The following SLC4A10 variants were observed in gnomAD, a reference collection of about 807,000 sequenced individuals.
The protein encoded by SLC4A10 is sodium-driven chloride bicarbonate exchanger.
Under a neutral mutation model 137.7 loss-of-function variants are expected in SLC4A10, and 42 were observed. The ratio of observed to expected loss-of-function variants is 0.30; its 90% CI spans 0.24 to 0.39. SLC4A10 has a LOEUF of 0.39. Among genes scored for constraint, SLC4A10 ranks in the 10% least tolerant of loss-of-function variants. The probability of loss-of-function intolerance (pLI) is 1.00; values close to 1 mark genes in which losing one functional copy is unlikely to be tolerated. For missense variants in SLC4A10, 925 were observed against 1,355.0 expected (o/e 0.68, Z 4.98); for synonymous variants, 474 against 464.1 (o/e 1.02, Z -0.27).
intron 1 of SLC4A10, among the ~76,000 whole-genome samples, chr2:161,748,793 A>G (rs1485635072): frequency 1.3e-5 from 2 of 151,884 alleles, no homozygotes; most frequent in Admixed American, 1.3e-4. Context: ...GAATTTTAGA[A>G]TTGTTTTTCT....
At chr2:161,930,401 G>A (rs1430999521) in intron 15 of SLC4A10, among the ~76,000 whole-genome samples, 1 of 151,824 alleles carries the variant, frequency 6.6e-6, no homozygotes, top group Non-Finnish European at 1.5e-5. Context: ...TTATATGACC[G>A]TTACTTTGTA....
At chr2:161,867,065 C>T (rs1277353350) in intron 6 of SLC4A10, among the ~76,000 whole-genome samples, 2 of 151,922 alleles carry the variant, frequency 1.3e-5, no homozygotes, top group African/African-American at 2.4e-5. Context: ...TCTCTAACTA[C>T]TGTTCAACGC....
In SLC4A10 at chr2:161,626,933, T is replaced by C. The variant is rs1259947756; in HGVS notation, c.48+2367T>C. 4.6e-5 allele frequency among the ~76,000 whole-genome samples: 7 copies of C among 152,292 alleles called. No homozygotes were observed. In the East Asian group the frequency reaches 1.2e-3, roughly 25 times the overall value. On this transcript the variant is annotated intron_variant, in intron 1 of 26. Coordinates refer to ENST00000446997, the MANE Select transcript of SLC4A10 (RefSeq NM_001178015.2). ...AATCAGACGACTTTGCAAATAATTT[T>C]GTGAGAGGCAATATAGCATAATATT... is the stretch of plus-strand genomic sequence containing the variant.
intron 3 of SLC4A10, among the ~76,000 whole-genome samples, chr2:161,829,003 A>G (rs1379177740): frequency 1.3e-5 from 2 of 151,364 alleles, no homozygotes; most frequent in Admixed American, 6.6e-5. Context: ...CCTAAACCAA[A>G]CCATTAATTT....
At chr2:161,626,135 G>A (rs1369535770) in intron 1 of SLC4A10, among the ~76,000 whole-genome samples, 4 of 152,086 alleles carry the variant, frequency 2.6e-5, no homozygotes, top group African/African-American at 7.2e-5. Context: ...TCGTGGTATG[G>A]GGATTAGGGA....
intron 1 of SLC4A10, among the ~76,000 whole-genome samples, chr2:161,678,005 G>C (rs143081291): frequency 6.6e-6 from 1 of 152,086 alleles, no homozygotes; most frequent in East Asian, 1.9e-4. Flanking sequence ...ACTTCCAAAG[G>C]CTTAGATAAG....
chr2:161,784,959 G>T (rs772328635), intron 2 of SLC4A10, among the ~76,000 whole-genome samples: 59 of 150,284 alleles, frequency 3.9e-4, no homozygotes, highest in Admixed American at 2.3e-3. Flanking sequence ...ATGAAATTGG[G>T]TTTTTTTTTA....
intron 10 of SLC4A10, among the ~76,000 whole-genome samples, chr2:161,893,483 G>T (rs1282202693): frequency 6.6e-6 from 1 of 152,060 alleles, no homozygotes; most frequent in Non-Finnish European, 1.5e-5. Context: ...ATGGTTTGGG[G>T]CCAGGAGTTC....
chr2:161,812,105 T>G (rs1477997416), intron 3 of SLC4A10, among the ~76,000 whole-genome samples: 1 of 152,074 alleles, frequency 6.6e-6, no homozygotes, highest in East Asian at 1.9e-4. Flanking sequence ...AGTCTCTCTA[T>G]TTTTATTTTT....
chr2:161,743,711 A>G (rs1380874480), intron 1 of SLC4A10, among the ~76,000 whole-genome samples: 2 of 151,998 alleles, frequency 1.3e-5, no homozygotes, highest in Non-Finnish European at 1.5e-5. Context: ...CATTAAATCT[A>G]TAGATTGCTT....
chr2:161,955,024 A>G (rs1478210073), intron 19 of SLC4A10, among the ~76,000 whole-genome samples: 1 of 152,120 alleles, frequency 6.6e-6, no homozygotes, highest in Non-Finnish European at 1.5e-5. Flanking sequence ...TCTGATGCTC[A>G]TCTCACAGCC....
chr2:161,863,987 G>T (rs536854594), intron 6 of SLC4A10, among the ~76,000 whole-genome samples: 56 of 152,216 alleles, frequency 3.7e-4, no homozygotes, highest in African/African-American at 1.2e-3. Context: ...GGATCAAGAG[G>T]TCAGGAGATC....
intron 1 of SLC4A10, among the ~76,000 whole-genome samples, chr2:161,665,888 A>G (rs952921840): frequency 2.5e-4 from 37 of 149,762 alleles, no homozygotes; most frequent in Admixed American, 6.0e-4. Flanking sequence ...TGCTCTTTCT[A>G]TGTTCAAATT....
intron 1 of SLC4A10, among the ~76,000 whole-genome samples, chr2:161,648,526 A>C (rs1333806057): frequency 2.0e-5 from 3 of 152,236 alleles, no homozygotes; most frequent in Admixed American, 6.5e-5. Flanking sequence ...AAAAACAATA[A>C]ATTCCAAATA....
chr2:161,889,669 CTCTTTTCTT>C (rs1373806356), intron 10 of SLC4A10, among the ~76,000 whole-genome samples: 1 of 152,010 alleles, frequency 6.6e-6, no homozygotes, highest in African/African-American at 2.4e-5. Context: ...TGATTTTTCT[CTCTTTTCTT>C]CTTTATTGGT....
intron 15 of SLC4A10, among the ~76,000 whole-genome samples, chr2:161,909,150 T>C (rs1306942842): frequency 6.7e-6 from 1 of 149,930 alleles, no homozygotes; most frequent in Non-Finnish European, 1.5e-5. Context: ...AGTTAATGGG[T>C]GCAGCACACC....
intron 15 of SLC4A10, among the ~76,000 whole-genome samples, chr2:161,907,055 C>CA (rs556899761): frequency 0.034 from 3,089 of 90,462 alleles, 375 homozygotes; most frequent in Non-Finnish European, 0.044. Flanking sequence ...GACTCCGTCT[C>CA]AAAAAAAAAA....
chr2:161,925,280 G>A (rs537742806), intron 15 of SLC4A10, among the ~76,000 whole-genome samples: 1 of 152,146 alleles, frequency 6.6e-6, no homozygotes. Flanking sequence ...TCTTGGGAGG[G>A]TGTATGTGTC....
chr2:161,634,752 A>G (rs1286977984), intron 1 of SLC4A10, among the ~76,000 whole-genome samples: 3 of 152,086 alleles, frequency 2.0e-5, no homozygotes, highest in Admixed American at 6.6e-5. Context: ...GAAATATACA[A>G]TATATGTGTT....
Sources: gnomAD v4.1 joint callset for allele counts (sites outside exome capture counted in the v4.1 genomes callset) on GRCh38, gnomAD v4.1.1 for gene constraint, MANE v1.5 for transcripts, NCBI Gene and HGNC (gene_info 2026-07-23, HGNC 2026-07-21) for gene names.